The following EXOC6B variants were observed in gnomAD, a reference collection of about 807,000 sequenced individuals.
EXOC6B encodes exocyst complex component 6B, also known as SEC15 homolog B.
A neutral mutation model predicts 113.5 loss-of-function variants in EXOC6B; 54 were observed. The ratio of observed to expected loss-of-function variants is 0.48; its 90% confidence interval spans 0.38 to 0.60. The LOEUF (loss-of-function observed/expected upper bound fraction) is 0.60, where lower values mean the gene tolerates loss of function less well. Among genes scored for constraint, EXOC6B ranks in the 20% least tolerant of loss-of-function variants. The probability of loss-of-function intolerance (pLI) is 0.00; values close to 1 mark genes in which losing one functional copy is unlikely to be tolerated. For missense variants in EXOC6B, 797 were observed against 977.5 expected, an observed-to-expected ratio of 0.82 and a Z score of 2.46; for synonymous variants, 357 against 339.0, an observed-to-expected ratio of 1.05 and a Z score of -0.58.
At chr2:72,744,788 C>A (rs1198681243) in intron 1 of EXOC6B, among the ~76,000 whole-genome samples, 1 of 151,994 alleles carries the variant, frequency 6.6e-6, no homozygotes, top group East Asian at 1.9e-4. Flanking sequence ...GACAACCTCA[C>A]AGAAAAGCAA....
chr2:72,807,745 C>T (rs190406255), intron 1 of EXOC6B, among the ~76,000 whole-genome samples: 75 of 151,560 alleles, frequency 4.9e-4, no homozygotes, highest in African/African-American at 1.6e-3. Context: ...AAAGTCAAAA[C>T]GATTGAACTA....
intron 1 of EXOC6B, among the ~76,000 whole-genome samples, chr2:72,801,086 T>C (rs569069595): frequency 1.3e-5 from 2 of 152,312 alleles, no homozygotes; most frequent in South Asian, 2.1e-4. Context: ...CTGTGACAGA[T>C]ACAAAAGTTC....
intron 6 of EXOC6B, among the ~76,000 whole-genome samples, chr2:72,690,244 A>G (rs949692495): frequency 6.6e-6 from 1 of 152,218 alleles, no homozygotes; most frequent in Admixed American, 6.5e-5. Flanking sequence ...ATTAACAAAT[A>G]TCTCTTTCTA....
chr2:72,784,098 G>T (rs1191404561), intron 1 of EXOC6B, among the ~76,000 whole-genome samples: 1 of 152,102 alleles, frequency 6.6e-6, no homozygotes, highest in Non-Finnish European at 1.5e-5. Context: ...GATTAAAGAG[G>T]ATATCCTTTC....
In EXOC6B at chr2:72,559,434, G is replaced by C; in HGVS notation, c.915+19C>G. The C allele has an allele frequency of 6.6e-7, 1 of 1,516,300 alleles. No individual in the cohort carries two copies. Among genetic ancestry groups the C allele is most frequent in the African/African-American group, 1.4e-5 (1 of 70,674 alleles). 93.9% of individuals were successfully genotyped at this position (1,516,300 alleles called of 1,614,324 possible). A position where few individuals can be genotyped will look rare whatever the true frequency, so the allele number is the denominator to read the frequency against. On this transcript the variant is annotated intron_variant, in intron 8 of 21. Coordinates refer to ENST00000272427, the MANE Select transcript of EXOC6B (RefSeq NM_015189.3). Reference sequence around the variant, plus strand: ...ACTCAATGGACATCTTTATTAGGCAGAGCCAGATAAAGACTCACCAGGACA... The same window carrying C: ...ACTCAATGGACATCTTTATTAGGCACAGCCAGATAAAGACTCACCAGGACA...
chr2:72,299,296 T>A (rs1015870759), intron 20 of EXOC6B, among the ~76,000 whole-genome samples: 1 of 151,894 alleles, frequency 6.6e-6, no homozygotes, highest in African/African-American at 2.4e-5. Flanking sequence ...TACTTGTATA[T>A]GCTTCACAAA....
intron 1 of EXOC6B, among the ~76,000 whole-genome samples, chr2:72,750,712 T>C (rs773036466): frequency 1.3e-5 from 2 of 152,122 alleles, no homozygotes; most frequent in Non-Finnish European, 2.9e-5. Context: ...ACTCATACTA[T>C]CAATCTTCTG....
At chr2:72,568,273 C>T (rs1463347277) in intron 7 of EXOC6B, among the ~76,000 whole-genome samples, 2 of 151,302 alleles carry the variant, frequency 1.3e-5, no homozygotes, top group African/African-American at 4.9e-5. Flanking sequence ...GATGTGGCTG[C>T]AAGGAAAAAA....
At chr2:72,209,624 G>T (rs529955819) in intron 20 of EXOC6B, among the ~76,000 whole-genome samples, 1 of 152,138 alleles carries the variant, frequency 6.6e-6, no homozygotes, top group Non-Finnish European at 1.5e-5. Context: ...CATTCTATTA[G>T]AAACTACATG....
intron 1 of EXOC6B, among the ~76,000 whole-genome samples, chr2:72,808,439 C>T (rs183696699): frequency 9.2e-5 from 14 of 152,138 alleles, no homozygotes; most frequent in Admixed American, 5.2e-4. Flanking sequence ...CACACACACA[C>T]AAACTATACT....
rs141146195 is a variant in EXOC6B, at chr2:72,582,453, G to T, written c.670-6785C>A. On this transcript the variant is annotated intron_variant, in intron 6 of 21. Coordinates refer to ENST00000272427, the MANE Select transcript of EXOC6B (RefSeq NM_015189.3). Reference sequence around the variant, plus strand: ...GATCACTTAATTTCAGGAGGCGGAGGTTGCAGTAAGATGAGATCATACCAC... The same window carrying T: ...GATCACTTAATTTCAGGAGGCGGAGTTTGCAGTAAGATGAGATCATACCAC... Among the ~76,000 whole-genome samples, 57 of 152,172 alleles carry T rather than the reference G, an allele frequency of 3.7e-4. 4 individuals are homozygous for T. In the East Asian group the frequency reaches 0.011, roughly 29 times the overall value.
At chr2:72,286,934 T>A (rs1397591090) in intron 20 of EXOC6B, among the ~76,000 whole-genome samples, 1 of 152,098 alleles carries the variant, frequency 6.6e-6, no homozygotes, top group Non-Finnish European at 1.5e-5. Flanking sequence ...TTGAGTTGAA[T>A]GCTAAAAAGA....
intron 6 of EXOC6B, among the ~76,000 whole-genome samples, chr2:72,651,200 G>A (rs1225461167): frequency 6.6e-6 from 1 of 152,206 alleles, no homozygotes; most frequent in Non-Finnish European, 1.5e-5. Flanking sequence ...TGTGGATTAT[G>A]AAAGTTAAAT....
intron 8 of EXOC6B, among the ~76,000 whole-genome samples, chr2:72,544,837 A>G (rs1666900407): frequency 6.6e-6 from 1 of 152,138 alleles, no homozygotes; most frequent in East Asian, 1.9e-4. Flanking sequence ...AAAATAAAGT[A>G]TTGGTTCCCT....
intron 20 of EXOC6B, among the ~76,000 whole-genome samples, chr2:72,320,548 C>T (rs1024509664): frequency 5.9e-5 from 9 of 152,088 alleles, no homozygotes; most frequent in Non-Finnish European, 1.2e-4. Context: ...CTTGGCCATA[C>T]TTCATATCAT....
chr2:72,379,726 T>TA lies in EXOC6B; in HGVS notation c.2122+2dup. 6.2e-7 allele frequency: 1 copy of TA among 1,609,326 alleles called. No individual in the cohort carries two copies. Among genetic ancestry groups the TA allele is most frequent in the Non-Finnish European group, 8.5e-7 (1 of 1,177,314 alleles). ...ACAAGCACAGGGATGGTCACTGTCTTACGTTCACATTCTCTGACGTCCAAG... is the reference window on the plus strand; with the variant it reads ...ACAAGCACAGGGATGGTCACTGTCTTAACGTTCACATTCTCTGACGTCCAAG... On this transcript the variant is annotated splice_region_variant and intron_variant, in intron 19 of 21. Coordinates refer to ENST00000272427, the MANE Select transcript of EXOC6B (RefSeq NM_015189.3).
intron 19 of EXOC6B, among the ~76,000 whole-genome samples, chr2:72,339,131 C>G (rs1335780404): frequency 6.6e-6 from 1 of 151,948 alleles, no homozygotes; most frequent in Admixed American, 6.6e-5. Flanking sequence ...GGAAAACTAC[C>G]ACATGAGAGA....
At position 72,403,972 on chromosome 2, in the gene EXOC6B, G is replaced by A. The variant is rs577163886; in HGVS notation, c.1981-24102C>T. On this transcript the variant is annotated intron_variant, in intron 18 of 21. Transcript: ENST00000272427. ...TTCCCTTTCCCAGTCAAAGAAAGGG[G>A]TGACAGACGGCACCTGGAAAATCAG... is the stretch of plus-strand genomic sequence containing the variant. Among the ~76,000 whole-genome samples the A allele has an allele frequency of 2.6e-3, 400 of 152,288 alleles. 1 individual carries two copies. Among genetic ancestry groups the A allele is most frequent in the African/African-American group, 9.0e-3 (376 of 41,574 alleles).
intron 17 of EXOC6B, among the ~76,000 whole-genome samples, chr2:72,476,891 A>G (rs1478270775): frequency 1.3e-5 from 2 of 152,210 alleles, no homozygotes; most frequent in Non-Finnish European, 2.9e-5. Context: ...AAGTTAAAAT[A>G]TCCTTCACTC....
Sources: gnomAD v4.1 joint callset for allele counts (sites outside exome capture counted in the v4.1 genomes callset) on GRCh38, gnomAD v4.1.1 for gene constraint, MANE v1.5 for transcripts, NCBI Gene and HGNC (gene_info 2026-07-23, HGNC 2026-07-21) for gene names.